The following CNTN5 variants were observed in gnomAD, a reference collection of about 807,000 sequenced individuals.
The protein encoded by CNTN5 is contactin-5.
In CNTN5, 77 loss-of-function variants were observed where a neutral mutation model predicts 129.1. That is an observed-to-expected ratio of 0.60 (90% CI 0.50 to 0.72). CNTN5 has a LOEUF of 0.72. Ranked by LOEUF, CNTN5 falls within the 30% of genes least tolerant of loss-of-function variation. CNTN5 has a pLI of 0.00. For synonymous variants in CNTN5, 509 were observed against 465.6 expected (o/e 1.09, Z -1.20); for missense variants, 1,478 against 1,328.8 (o/e 1.11, Z -1.75).
intron 10 of CNTN5, among the ~76,000 whole-genome samples, chr11:100,066,429 G>A (rs1943697915): frequency 6.6e-6 from 1 of 152,050 alleles, no homozygotes; most frequent in African/African-American, 2.4e-5. Flanking sequence ...ATAACACTTA[G>A]CATTTATCAG....
At chr11:99,413,770 C>T (rs1942509422) in intron 2 of CNTN5, among the ~76,000 whole-genome samples, 1 of 152,164 alleles carries the variant, frequency 6.6e-6, no homozygotes, top group Non-Finnish European at 1.5e-5. Context: ...ATTCATGACT[C>T]TCTTATAGGT....
intron 1 of CNTN5, among the ~76,000 whole-genome samples, chr11:99,311,713 G>A (rs1389381276): frequency 6.6e-6 from 1 of 152,104 alleles, no homozygotes; most frequent in East Asian, 1.9e-4. Context: ...TAAATCAATA[G>A]TGTTAGTATT....
intron 3 of CNTN5, among the ~76,000 whole-genome samples, chr11:99,747,194 C>CTATTTAT (rs1373892763): frequency 3.3e-5 from 5 of 151,892 alleles, no homozygotes; most frequent in Non-Finnish European, 7.4e-5. Context: ...AAAATATTGC[C>CTATTTAT]TTCTTTATTT....
intron 14 of CNTN5, among the ~76,000 whole-genome samples, chr11:100,192,467 T>C (rs2138509513): frequency 6.6e-6 from 1 of 152,070 alleles, no homozygotes; most frequent in South Asian, 2.1e-4. Flanking sequence ...TAGAAGGACA[T>C]GGAACATTAA....
intron 9 of CNTN5, among the ~76,000 whole-genome samples, chr11:100,042,047 G>T (rs1054523938): frequency 6.6e-6 from 1 of 152,114 alleles, no homozygotes. Context: ...GCGACAATGT[G>T]GTCCCCTGCC....
intron 21 of CNTN5, chr11:100,309,437 T>C: frequency 1.0e-6 from 1 of 968,404 alleles, no homozygotes; most frequent in Non-Finnish European, 1.2e-6. Flanking sequence ...ATACAATCTT[T>C]CTAAGAGTTA....
chr11:99,196,744 T>G (rs751966718), intron 1 of CNTN5, among the ~76,000 whole-genome samples: 1 of 151,970 alleles, frequency 6.6e-6, no homozygotes, highest in Non-Finnish European at 1.5e-5. Flanking sequence ...TAATATATCA[T>G]GATGCAAGTT....
chr11:99,467,282 T>A (rs1944982601), intron 2 of CNTN5, among the ~76,000 whole-genome samples: 1 of 152,316 alleles, frequency 6.6e-6, no homozygotes, highest in East Asian at 1.9e-4. Context: ...TAAAATGTGA[T>A]GAAAATGCTA....
chr11:100,090,211 G>A (rs1359244362), intron 13 of CNTN5, among the ~76,000 whole-genome samples: 2 of 151,844 alleles, frequency 1.3e-5, no homozygotes, highest in Admixed American at 6.6e-5. Flanking sequence ...AAAACAATAA[G>A]AGCCATCTGT....
intron 6 of CNTN5, among the ~76,000 whole-genome samples, chr11:99,848,302 T>A (rs527607362): frequency 6.6e-5 from 10 of 152,302 alleles, no homozygotes; most frequent in African/African-American, 2.2e-4. Flanking sequence ...ATATATTTAA[T>A]AGAATATACT....
chr11:100,312,580 T>G (rs906520598), intron 21 of CNTN5, among the ~76,000 whole-genome samples: 1 of 152,056 alleles, frequency 6.6e-6, no homozygotes, highest in Non-Finnish European at 1.5e-5. Context: ...ACCACAATTC[T>G]ACCTATATTT....
Position 99,744,199 on chromosome 11 carries a change from A to G in CNTN5, c.56-75345A>G, listed in dbSNP as rs533990531. 5.9e-5 allele frequency among the ~76,000 whole-genome samples: 9 copies of G among 152,174 alleles called. No homozygotes were observed. In the South Asian group the frequency reaches 1.0e-3, roughly 18 times the overall value. On this transcript the variant is annotated intron_variant, in intron 3 of 24. Coordinates refer to ENST00000524871, the MANE Select transcript of CNTN5 (RefSeq NM_014361.4). ...ATTTCTCTTTGTAAACAAAGCAACC[A>G]ATTTTCAGTTCTATTGCAAATATCT...
At chr11:99,029,321 C>A (rs1863252340) in intron 1 of CNTN5, among the ~76,000 whole-genome samples, 1 of 151,628 alleles carries the variant, frequency 6.6e-6, no homozygotes, top group Admixed American at 6.6e-5. Context: ...TGTATCTCAT[C>A]TTTTATTCAA....
intron 2 of CNTN5, among the ~76,000 whole-genome samples, chr11:99,380,521 G>A (rs1024516927): frequency 6.6e-6 from 1 of 152,136 alleles, no homozygotes; most frequent in Admixed American, 6.5e-5. Flanking sequence ...TGTAATCCCA[G>A]CACTTCGGGA....
At chr11:99,462,779 A>T (rs1366815963) in intron 2 of CNTN5, among the ~76,000 whole-genome samples, 1 of 152,078 alleles carries the variant, frequency 6.6e-6, no homozygotes, top group East Asian at 1.9e-4. Flanking sequence ...GTAGGGGAGG[A>T]AATTTCAACT....
chr11:99,596,902 A>G (rs1950144664), intron 3 of CNTN5, among the ~76,000 whole-genome samples: 1 of 152,194 alleles, frequency 6.6e-6, no homozygotes, highest in Non-Finnish European at 1.5e-5. Flanking sequence ...AATATGCTTG[A>G]AAAATGATGA....
chr11:99,199,395 A>C (rs1204906518), intron 1 of CNTN5, among the ~76,000 whole-genome samples: 1 of 152,220 alleles, frequency 6.6e-6, no homozygotes, highest in Non-Finnish European at 1.5e-5. Context: ...ATGATAGAAA[A>C]ATTATGAGAA....
At chr11:99,504,622 A>T (rs1946550878) in intron 2 of CNTN5, among the ~76,000 whole-genome samples, 1 of 151,936 alleles carries the variant, frequency 6.6e-6, no homozygotes, top group African/African-American at 2.4e-5. Context: ...TAATATTTCT[A>T]CTCTTGTTGT....
chr11:99,489,589 T>C (rs1945954340), intron 2 of CNTN5, among the ~76,000 whole-genome samples: 1 of 152,214 alleles, frequency 6.6e-6, no homozygotes, highest in Non-Finnish European at 1.5e-5. Flanking sequence ...CTGAGATAAT[T>C]TGTTGTCACT....
Sources: gnomAD v4.1 joint callset for allele counts (sites outside exome capture counted in the v4.1 genomes callset) on GRCh38, gnomAD v4.1.1 for gene constraint, MANE v1.5 for transcripts, NCBI Gene and HGNC (gene_info 2026-07-23, HGNC 2026-07-21) for gene names.